Variants in ST18 observed in about 807,000 individuals in gnomAD.
ST18 encodes suppression of tumorigenicity 18 protein.
A neutral mutation model predicts 110.0 loss-of-function variants in ST18; 50 were observed. The ratio of observed to expected loss-of-function variants is 0.45; its 90% CI spans 0.36 to 0.58. The LOEUF (loss-of-function observed/expected upper bound fraction) is 0.58, where lower values mean the gene tolerates loss of function less well. ST18 is among the 20% of genes least tolerant of loss of function. The pLI, the probability that ST18 is intolerant of heterozygous loss-of-function variation, is 0.00. For missense variants in ST18, 1,306 were observed against 1,280.1 expected (o/e 1.02, Z -0.31); for synonymous variants, 461 against 452.4 (o/e 1.02, Z -0.24).
intron 2 of ST18, among the ~76,000 whole-genome samples, chr8:52,282,396 T>C (rs550233476): frequency 6.6e-6 from 1 of 152,180 alleles, no homozygotes; most frequent in African/African-American, 2.4e-5. Flanking sequence ...AAAATTCTAA[T>C]CATGTAACAG....
intron 19 of ST18, among the ~76,000 whole-genome samples, chr8:52,133,502 A>T (rs1460440485): frequency 6.6e-6 from 1 of 152,198 alleles, no homozygotes; most frequent in Non-Finnish European, 1.5e-5. Context: ...TTGCTTAAAT[A>T]TAATTATCTT....
At chr8:52,216,843 T>A (rs1362424221) in intron 6 of ST18, among the ~76,000 whole-genome samples, 1 of 152,310 alleles carries the variant, frequency 6.6e-6, no homozygotes, top group African/African-American at 2.4e-5. Context: ...GAGTACCTTG[T>A]CCAAGTAATG....
intron 2 of ST18, chr8:52,404,841 T>TC (rs1843923710): frequency 6.6e-6 from 1 of 152,208 alleles, no homozygotes; most frequent in Non-Finnish European, 1.5e-5. Flanking sequence ...AAATATCTTT[T>TC]TAAAAAAATT....
chr8:52,149,759 A>G lies in ST18; in HGVS notation c.2025T>C (p.Thr675=), dbSNP rs764727323. The G allele has an allele frequency of 1.9e-6, 3 of 1,614,054 alleles. No individual in the cohort carries two copies. The highest frequency in any genetic ancestry group is 2.5e-6 in the Non-Finnish European group (3 of 1,179,978). The change falls in exon 16 of 26, where the codon ACT becomes ACC. Residue 675 remains threonine (T), a synonymous_variant. Coordinates refer to ENST00000689386, the MANE Select transcript of ST18 (RefSeq NM_001352837.2). Reference sequence around the variant, plus strand: ...CTTTCTCCTCCTCTGTCTTCCCGTGAGTTTTGCTATAGTTGATAGGAGTGT... The same window carrying G: ...CTTTCTCCTCCTCTGTCTTCCCGTGGGTTTTGCTATAGTTGATAGGAGTGT... ...GWDTPINYSK[T]HGKTEEEKEK... is the part of the protein sequence containing the mutation.
intron 9 of ST18, among the ~76,000 whole-genome samples, chr8:52,175,382 C>T (rs1371882835): frequency 6.6e-6 from 1 of 152,184 alleles, no homozygotes; most frequent in African/African-American, 2.4e-5. Context: ...GAAGGCTCAA[C>T]TCAGTTCATC....
intron 2 of ST18, among the ~76,000 whole-genome samples, chr8:52,294,783 C>T (rs1360412881): frequency 6.6e-6 from 1 of 152,202 alleles, no homozygotes; most frequent in East Asian, 1.9e-4. Context: ...ACTTCGTCCT[C>T]TCACTTCTTA....
intron 2 of ST18, among the ~76,000 whole-genome samples, chr8:52,333,781 G>T (rs913762253): frequency 5.9e-5 from 9 of 152,168 alleles, no homozygotes; most frequent in Non-Finnish European, 7.3e-5. Flanking sequence ...GGAAAGTATG[G>T]CTCTCTTGCT....
chr8:52,187,273 A>G (rs1466815196), intron 8 of ST18, among the ~76,000 whole-genome samples: 1 of 152,200 alleles, frequency 6.6e-6, no homozygotes, highest in African/African-American at 2.4e-5. Flanking sequence ...AGCCCACTGG[A>G]TTCTTGTAAT....
chr8:52,176,264 C>T (rs533187193), intron 9 of ST18, among the ~76,000 whole-genome samples: 219 of 152,240 alleles, frequency 1.4e-3, no homozygotes, highest in Non-Finnish European at 2.6e-3. Flanking sequence ...ACCTCGTGAT[C>T]CGCCCGCCTC....
At chr8:52,258,409 C>G (rs958434969) in intron 2 of ST18, among the ~76,000 whole-genome samples, 3 of 152,160 alleles carry the variant, frequency 2.0e-5, no homozygotes, top group African/African-American at 7.2e-5. Flanking sequence ...AATCCATGAA[C>G]ATGTCTTTCC....
chr8:52,200,465 G>A (rs2077581047), intron 8 of ST18, among the ~76,000 whole-genome samples: 1 of 152,188 alleles, frequency 6.6e-6, no homozygotes, highest in Admixed American at 6.5e-5. Flanking sequence ...CGGCAGGTCT[G>A]GGGGACCCAG....
intron 6 of ST18, 67 bp from the exon 7 acceptor site, chr8:52,214,324 T>C (rs1261076032): frequency 3.9e-5 from 60 of 1,542,410 alleles, no homozygotes; most frequent in Non-Finnish European, 5.2e-5. Flanking sequence ...AAACATGTAA[T>C]TAGAAGTTCT....
rs1302973446 is a variant in ST18, at chr8:52,149,848, T to G, written c.1936A>C (p.Lys646Gln). 28 of 1,614,078 alleles carry G rather than the reference T, an allele frequency of 1.7e-5. No homozygotes were observed. The highest frequency in any genetic ancestry group is 2.3e-5 in the Non-Finnish European group (27 of 1,180,032). ...SIPTPSSSPF[K>Q]TSSILVNAAF... ...GCATTGACCAGAATGCTGCTTGTTT[T>G]GAATGGGGAAGAGGAAGGAGTTGGA... The change falls in exon 16 of 26, where the codon AAA becomes CAA. Residue 646 changes from lysine (K) to glutamine (Q), a missense_variant. Lys to Gln is a moderately conservative substitution (Grantham distance 53, BLOSUM62 1). Transcript: ENST00000689386.
chr8:52,326,920 G>A (rs1806706636), intron 2 of ST18, among the ~76,000 whole-genome samples: 1 of 152,158 alleles, frequency 6.6e-6, no homozygotes, highest in African/African-American at 2.4e-5. Flanking sequence ...GAGTCCACTA[G>A]CCCAGGCCAA....
At chr8:52,289,481 C>G (rs2095521157) in intron 2 of ST18, among the ~76,000 whole-genome samples, 1 of 152,064 alleles carries the variant, frequency 6.6e-6, no homozygotes. Flanking sequence ...CAACAACAAC[C>G]ACCTGGGTCT....
At chr8:52,363,116 G>T (rs1021692821) in intron 2 of ST18, among the ~76,000 whole-genome samples, 1 of 152,182 alleles carries the variant, frequency 6.6e-6, no homozygotes, top group African/African-American at 2.4e-5. Context: ...GGAGGCTGAG[G>T]CAGGAGAATG....
chr8:52,351,019 C>T (rs1820090135), intron 2 of ST18, among the ~76,000 whole-genome samples: 2 of 152,030 alleles, frequency 1.3e-5, no homozygotes, highest in Admixed American at 6.6e-5. Flanking sequence ...CGTGCCTGGC[C>T]GTCTTTTTTT....
At chr8:52,328,131 TTC>T in intron 2 of ST18, among the ~76,000 whole-genome samples, 1 of 152,198 alleles carries the variant, frequency 6.6e-6, no homozygotes, top group Non-Finnish European at 1.5e-5. Context: ...TCTCTGAGTA[TTC>T]ATCCTAGTTT....
chr8:52,283,318 C>T (rs976116897), intron 2 of ST18, among the ~76,000 whole-genome samples: 17 of 152,070 alleles, frequency 1.1e-4, no homozygotes, highest in African/African-American at 3.6e-4. Context: ...GGTTTGGTAA[C>T]GAGTTTAGAG....
Sources: gnomAD v4.1 joint callset for allele counts (sites outside exome capture counted in the v4.1 genomes callset) on GRCh38, gnomAD v4.1.1 for gene constraint, MANE v1.5 for transcripts, NCBI Gene and HGNC (gene_info 2026-07-23, HGNC 2026-07-21) for gene names.